ARMC8: variants seen among roughly 807,000 people sequenced by gnomAD.
ARMC8 encodes armadillo repeat-containing protein 8.
In ARMC8, 20 loss-of-function variants were observed where a neutral mutation model predicts 99.3. The ratio of observed to expected loss-of-function variants is 0.20; its 90% CI spans 0.14 to 0.29. The LOEUF is 0.29. Ranked by LOEUF, ARMC8 falls within the 10% of genes least tolerant of loss-of-function variation. ARMC8 has a pLI of 1.00. For missense variants in ARMC8, 569 were observed against 809.5 expected (o/e 0.70, Z 3.60); for synonymous variants, 263 against 278.3 (o/e 0.95, Z 0.55).
Position 138,296,541 on chromosome 3 carries a change from TAAAAAAAAAG to T in ARMC8, c.*665_*674del, listed in dbSNP as rs1011570600. Reference sequence around the variant, plus strand: ...TCAACTTACATAGATTTTCTTTATATAAAAAAAAAGAAAAAAAAAGAAAAAGTTGGCTATA... The same window carrying T: ...TCAACTTACATAGATTTTCTTTATATAAAAAAAAAGAAAAAGTTGGCTATA... On this transcript the variant is annotated 3_prime_UTR_variant, in exon 22 of 22. Transcript: ENST00000469044. 5.4e-5 allele frequency: 8 copies of T among 149,340 alleles called. No homozygotes were observed. Among genetic ancestry groups the T allele is most frequent in the Admixed American group, 1.3e-4 (2 of 15,032 alleles). The allele number at this position is 149,340 out of a possible 1,614,324, so 9.3% of individuals were successfully genotyped here.
At chr3:138,284,570 C>T (rs780364020) in intron 19 of ARMC8, 44 bp downstream of exon 19, 3 of 1,386,220 alleles carry the variant, frequency 2.2e-6, no homozygotes, top group East Asian at 4.6e-5. Context: ...AATGCAGGGA[C>T]TGTTGCATTT....
chr3:138,238,853 C>T (rs1208270660), intron 9 of ARMC8: 1 of 152,140 alleles, frequency 6.6e-6, no homozygotes, highest in Non-Finnish European at 1.5e-5. Flanking sequence ...TTCTGAAGCG[C>T]TTAATGTTCA....
At chr3:138,291,327 C>A (rs1268202597) in intron 21 of ARMC8, among the ~76,000 whole-genome samples, 1 of 152,232 alleles carries the variant, frequency 6.6e-6, no homozygotes, top group East Asian at 1.9e-4. Context: ...ACCATGTACA[C>A]CCCATACTGC....
chr3:138,212,804 T>A (rs2044778592), intron 2 of ARMC8, among the ~76,000 whole-genome samples: 1 of 152,146 alleles, frequency 6.6e-6, no homozygotes, highest in Non-Finnish European at 1.5e-5. Context: ...CAACCAAAGG[T>A]AGCCTATTAA....
At chr3:138,230,772 T>G (rs2045989502) in intron 6 of ARMC8, among the ~76,000 whole-genome samples, 1 of 152,236 alleles carries the variant, frequency 6.6e-6, no homozygotes, top group Non-Finnish European at 1.5e-5. Flanking sequence ...AATAACTACA[T>G]GTTAAATTAT....
intron 18 of ARMC8, among the ~76,000 whole-genome samples, chr3:138,277,680 T>G (rs897718809): frequency 1.3e-5 from 2 of 152,174 alleles, no homozygotes; most frequent in Non-Finnish European, 2.9e-5. Flanking sequence ...ATGCAGAGCA[T>G]CTAGTGGAAA....
At chr3:138,225,622 T>C (rs758881357) in intron 5 of ARMC8, among the ~76,000 whole-genome samples, 9 of 152,210 alleles carry the variant, frequency 5.9e-5, no homozygotes, top group Non-Finnish European at 1.2e-4. Context: ...GAAAGAATCC[T>C]GAGACAAGTT....
intron 1 of ARMC8, among the ~76,000 whole-genome samples, chr3:138,196,470 G>T (rs1433320054): frequency 6.6e-6 from 1 of 152,124 alleles, no homozygotes; most frequent in Non-Finnish European, 1.5e-5. Flanking sequence ...AGGAGAACAT[G>T]CATATGCCTA....
intron 1 of ARMC8, among the ~76,000 whole-genome samples, chr3:138,194,019 T>C (rs1482662578): frequency 6.6e-6 from 1 of 151,910 alleles, no homozygotes; most frequent in African/African-American, 2.4e-5. Flanking sequence ...TTGTCTTCTT[T>C]ACAGTCCTTT....
chr3:138,284,796 G>A (rs2108360232), intron 19 of ARMC8, among the ~76,000 whole-genome samples: 1 of 152,164 alleles, frequency 6.6e-6, no homozygotes, highest in African/African-American at 2.4e-5. Context: ...GTGAAGACCC[G>A]GGCTCTTGGC....
At chr3:138,188,388 T>A in intron 1 of ARMC8, 1 of 1,489,686 alleles carries the variant, frequency 6.7e-7, no homozygotes, top group Non-Finnish European at 8.9e-7. Flanking sequence ...GTTTTTTTTT[T>A]TTTTAAAAAA....
intron 18 of ARMC8, among the ~76,000 whole-genome samples, chr3:138,281,498 G>A (rs1270865524): frequency 1.3e-5 from 2 of 151,996 alleles, no homozygotes; most frequent in African/African-American, 4.8e-5. Flanking sequence ...TCACCATATT[G>A]GCCAGGATGG....
rs528150958 is a variant in ARMC8 at position 138,277,427 on chromosome 3, C to T, written c.1725+2883C>T. 3.9e-5 allele frequency among the ~76,000 whole-genome samples: 6 copies of T among 152,266 alleles called. No homozygotes were observed. The South Asian group carries it at 8.3e-4, about 21-fold the overall frequency. On this transcript the variant is annotated intron_variant, in intron 18 of 21. Coordinates refer to ENST00000469044, the MANE Select transcript of ARMC8 (RefSeq NM_001363941.2). ...TCTTCATCAAACTGTAAAACTTCTG[C>T]GTCGTGAAATGCACTGTTAAGAGAC...
intron 14 of ARMC8, 68 bp downstream of exon 14, chr3:138,264,280 A>G: frequency 8.2e-7 from 1 of 1,225,750 alleles, no homozygotes. Context: ...GCTAGCTAAC[A>G]CTACTCCCTG....
In ARMC8 at chr3:138,286,802, C is replaced by T. The variant is rs2050468170; in HGVS notation, c.1822-2246C>T. 2.6e-5 allele frequency among the ~76,000 whole-genome samples: 4 copies of T among 152,214 alleles called. No homozygotes were observed. The South Asian group carries it at 8.3e-4, about 32-fold the overall frequency. On this transcript the variant is annotated intron_variant, in intron 19 of 21. Coordinates refer to ENST00000469044, the MANE Select transcript of ARMC8 (RefSeq NM_001363941.2). ...CTATCATCACTGTGCTGACAATACACTGTAATTTCCAAATGTGTTTCCCAG... is the reference window on the plus strand; with the variant it reads ...CTATCATCACTGTGCTGACAATACATTGTAATTTCCAAATGTGTTTCCCAG...
At chr3:138,254,878 C>A (rs1407614959) in intron 12 of ARMC8, among the ~76,000 whole-genome samples, 3 of 152,100 alleles carry the variant, frequency 2.0e-5, no homozygotes, top group African/African-American at 7.2e-5. Context: ...TAAATGACCT[C>A]AGGTATAAAT....
chr3:138,249,102 G>A (rs1001199088), intron 12 of ARMC8, among the ~76,000 whole-genome samples: 1 of 152,066 alleles, frequency 6.6e-6, no homozygotes, highest in Non-Finnish European at 1.5e-5. Context: ...ATAAATAATT[G>A]ATGAATGAAT....
intron 10 of ARMC8, among the ~76,000 whole-genome samples, chr3:138,241,077 G>A (rs1035805009): frequency 6.6e-6 from 1 of 152,138 alleles, no homozygotes. Context: ...AATAGTAAAT[G>A]TCTGTAATAT....
At chr3:138,268,379 A>G (rs2108286573) in intron 15 of ARMC8, among the ~76,000 whole-genome samples, 1 of 152,360 alleles carries the variant, frequency 6.6e-6, no homozygotes, top group East Asian at 1.9e-4. Flanking sequence ...CAGAGCTTCC[A>G]TCAGTTCTCT....
Sources: gnomAD v4.1 joint callset for allele counts (sites outside exome capture counted in the v4.1 genomes callset) on GRCh38, gnomAD v4.1.1 for gene constraint, MANE v1.5 for transcripts, NCBI Gene and HGNC (gene_info 2026-07-23, HGNC 2026-07-21) for gene names.